ITGAM: variants seen among roughly 807,000 people sequenced by gnomAD.
The protein encoded by ITGAM is integrin subunit alpha M.
A neutral mutation model predicts 137.5 loss-of-function variants in ITGAM; 79 were observed. The observed-to-expected ratio is 0.57, with a 90% CI of 0.48 to 0.69. ITGAM has a LOEUF of 0.69. Ranked by LOEUF, ITGAM falls within the 30% of genes least tolerant of loss-of-function variation. The probability of loss-of-function intolerance (pLI) is 0.00; values close to 1 mark genes in which losing one functional copy is unlikely to be tolerated. For missense variants in ITGAM, 1,343 were observed against 1,483.5 expected (o/e 0.91, Z 1.56); for synonymous variants, 583 against 592.3 (o/e 0.98, Z 0.23).
rs374482702 is a variant in ITGAM, at chr16:31,326,846, C to G, written c.2629-10C>G. 8.2e-6 allele frequency: 13 copies of G among 1,593,120 alleles called. No individual in the cohort carries two copies. The highest frequency in any genetic ancestry group is 8.6e-6 in the Non-Finnish European group (10 of 1,161,474). On this transcript the variant is annotated splice_polypyrimidine_tract_variant and intron_variant, in intron 21 of 29. Coordinates refer to ENST00000544665, the MANE Select transcript of ITGAM (RefSeq NM_000632.4). ...ATTTCTGTCATTGTCTCTCCTTTCT[C>G]TCACTCCAGGTCACCTTTAATATCA...
At chr16:31,301,624 G>A (rs1049125892) in intron 14 of ITGAM, among the ~76,000 whole-genome samples, 3 of 152,264 alleles carry the variant, frequency 2.0e-5, no homozygotes, top group South Asian at 2.1e-4. Flanking sequence ...GAACTAAAAA[G>A]TATTTGAAGT....
chr16:31,331,096 C>T (rs532019605), intron 28 of ITGAM, 69 bp from the exon 29 acceptor site: 5 of 806,672 alleles, frequency 6.2e-6, no homozygotes, highest in Non-Finnish European at 1.1e-5. Flanking sequence ...CAGGGGTGCA[C>T]ACGGTGTGAA....
At chr16:31,272,431 A>G (rs1413290628) in intron 7 of ITGAM, among the ~76,000 whole-genome samples, 523 of 6,240 alleles carry the variant, frequency 0.084, 18 homozygotes, top group African/African-American at 0.16. Context: ...AACTATATAT[A>G]TATATATATA....
intron 4 of ITGAM, 61 bp from the exon 5 acceptor site, chr16:31,265,969 G>C (rs530979923): frequency 1.3e-6 from 2 of 1,589,406 alleles, no homozygotes; most frequent in Admixed American, 1.7e-5. Flanking sequence ...GGAGGGTGGA[G>C]GTGCTGGGGT....
At chr16:31,273,298 A>T (rs2079871222) in intron 7 of ITGAM, 67 bp from the exon 8 acceptor site, 9 of 526,888 alleles carry the variant, frequency 1.7e-5, no homozygotes, top group Non-Finnish European at 2.5e-5. Flanking sequence ...TCTATTTCTT[A>T]AAAAAAAAAA....
chr16:31,299,922 A>C (rs1278053298), intron 14 of ITGAM, among the ~76,000 whole-genome samples: 6 of 150,872 alleles, frequency 4.0e-5, no homozygotes, highest in Non-Finnish European at 4.4e-5. Context: ...GCAGTGGTGC[A>C]AACACGGCTC....
At chr16:31,262,025 A>T (rs138791759) in intron 2 of ITGAM, among the ~76,000 whole-genome samples, 5 of 152,046 alleles carry the variant, frequency 3.3e-5, no homozygotes, top group African/African-American at 1.2e-4. Context: ...CCCAGGAGGG[A>T]CCTCACAAAT....
chr16:31,313,951 G>A (rs2080363024), intron 14 of ITGAM, among the ~76,000 whole-genome samples: 1 of 150,350 alleles, frequency 6.7e-6, no homozygotes, highest in Non-Finnish European at 1.5e-5. Context: ...TCTCATTGTG[G>A]TTTTGATTTG....
intron 2 of ITGAM, 94 bp downstream of exon 2, chr16:31,261,891 C>G: frequency 1.5e-6 from 1 of 689,280 alleles, no homozygotes; most frequent in Middle Eastern, 2.4e-4. Context: ...TCTTTTTCAA[C>G]AGATAAATCA....
rs2144310599 is a variant in ITGAM, at chr16:31,276,970, C to T, written c.1134C>T (p.Val378=). 3.7e-6 allele frequency: 6 copies of T among 1,613,312 alleles called. No homozygotes were observed. Among genetic ancestry groups the T allele is most frequent in the Non-Finnish European group, 5.1e-6 (6 of 1,179,638 alleles). ...TVGSYDWAGG[V]FLYTSKEKST... ...GGAGCTATGACTGGGCTGGTGGAGTCTTTCTATATACATCAAAGGAGAAAA... is the reference window on the plus strand; with the variant it reads ...GGAGCTATGACTGGGCTGGTGGAGTTTTTCTATATACATCAAAGGAGAAAA... Residue 378 remains valine, a synonymous_variant, in exon 11 of 30, where the codon GTC becomes GTT. Transcript: ENST00000544665.
At chr16:31,287,033 T>C (rs1438888616) in intron 12 of ITGAM, among the ~76,000 whole-genome samples, 2 of 152,234 alleles carry the variant, frequency 1.3e-5, no homozygotes, top group African/African-American at 4.8e-5. Context: ...TTTAAATCTT[T>C]AATACACCTT....
At chr16:31,272,272 A>G (rs527430445) in intron 7 of ITGAM, among the ~76,000 whole-genome samples, 2 of 150,666 alleles carry the variant, frequency 1.3e-5, no homozygotes, top group African/African-American at 4.9e-5. Context: ...AGATATCGCC[A>G]TGTCTCATTT....
At chr16:31,265,770 T>TC (rs769555863) in intron 3 of ITGAM, 41 bp from the exon 4 acceptor site, 2 of 1,572,824 alleles carry the variant, frequency 1.3e-6, no homozygotes, top group African/African-American at 1.4e-5. Flanking sequence ...GCCTTCTCTG[T>TC]CCCCCCACCA....
intron 12 of ITGAM, among the ~76,000 whole-genome samples, chr16:31,287,907 G>A (rs949225788): frequency 2.0e-5 from 3 of 152,150 alleles, no homozygotes; most frequent in Non-Finnish European, 4.4e-5. Flanking sequence ...TGTGTGGTCA[G>A]GACCACATGA....
At chr16:31,278,289 A>G (rs2079932014) in intron 12 of ITGAM, among the ~76,000 whole-genome samples, 180 bp downstream of exon 12, 2 of 152,108 alleles carry the variant, frequency 1.3e-5, no homozygotes, top group South Asian at 2.1e-4. Flanking sequence ...CAGCTTTTTT[A>G]ACAATGATAA....
chr16:31,287,933 C>T (rs1300893107), intron 12 of ITGAM, among the ~76,000 whole-genome samples: 1 of 152,072 alleles, frequency 6.6e-6, no homozygotes, highest in African/African-American at 2.4e-5. Flanking sequence ...GCTGGCTGGT[C>T]AACTCCCCCA....
chr16:31,268,624 C>A (rs1051640337), intron 5 of ITGAM, among the ~76,000 whole-genome samples: 1 of 152,184 alleles, frequency 6.6e-6, no homozygotes, highest in Non-Finnish European at 1.5e-5. Flanking sequence ...AAATACAAAA[C>A]AAATCATCTC....
chr16:31,270,601 C>T (rs1040665605), intron 5 of ITGAM, among the ~76,000 whole-genome samples: 1 of 149,244 alleles, frequency 6.7e-6, no homozygotes, highest in Non-Finnish European at 1.5e-5. Context: ...GAAGCCTCAA[C>T]CTTTTGGGCT....
intron 12 of ITGAM, among the ~76,000 whole-genome samples, chr16:31,293,203 G>A (rs2080103341): frequency 6.6e-6 from 1 of 151,894 alleles, no homozygotes; most frequent in African/African-American, 2.4e-5. Flanking sequence ...CATTCTTTAG[G>A]TTGTCTGTTC....
Sources: gnomAD v4.1 joint callset for allele counts (sites outside exome capture counted in the v4.1 genomes callset) on GRCh38, gnomAD v4.1.1 for gene constraint, MANE v1.5 for transcripts, NCBI Gene and HGNC (gene_info 2026-07-23, HGNC 2026-07-21) for gene names.